SLC38A1: variants seen among roughly 807,000 people sequenced by gnomAD.
The protein encoded by SLC38A1 is solute carrier family 38 member 1, also known as sodium-coupled neutral amino acid symporter 1.
In SLC38A1, 18 loss-of-function variants were observed where a neutral mutation model predicts 60.3. The ratio of observed to expected loss-of-function variants is 0.30; its 90% CI spans 0.21 to 0.44. The LOEUF is 0.44. Ranked by LOEUF, SLC38A1 falls within the 20% of genes least tolerant of loss-of-function variation. The pLI, the probability that SLC38A1 is intolerant of heterozygous loss-of-function variation, is 1.00. For missense variants in SLC38A1, 448 were observed against 587.2 expected (o/e 0.76, Z 2.45); for synonymous variants, 196 against 212.1 (o/e 0.92, Z 0.66).
intron 16 of SLC38A1, among the ~76,000 whole-genome samples, chr12:46,194,180 C>T (rs914162764): frequency 3.9e-5 from 6 of 152,134 alleles, no homozygotes; most frequent in Non-Finnish European, 7.3e-5. Context: ...TTTTATTTCT[C>T]CTTCACTTAT....
Position 46,243,524 on chromosome 12 carries a change from G to T in SLC38A1, c.-208-210C>A, listed in dbSNP as rs990570798. ...AATTGACATCTAACTGGTTATTGCT[G>T]GACATTCAGACTGCTTGGTGGAGAG... On this transcript the variant is annotated intron_variant, in intron 1 of 16. Coordinates refer to ENST00000398637, the MANE Select transcript of SLC38A1 (RefSeq NM_030674.4). Among the ~76,000 whole-genome samples, 58 of 152,280 alleles carry T rather than the reference G, an allele frequency of 3.8e-4. 1 individual carries two copies. Among genetic ancestry groups the T allele is most frequent in the African/African-American group, 1.4e-3 (57 of 41,548 alleles).
At chr12:46,244,742 C>T (rs941923442) in intron 1 of SLC38A1, among the ~76,000 whole-genome samples, 2 of 152,174 alleles carry the variant, frequency 1.3e-5, no homozygotes, top group Admixed American at 6.5e-5. Flanking sequence ...TCCTAGAGGC[C>T]CAGCCTAGGG....
At chr12:46,252,976 T>C (rs1941903928) in intron 1 of SLC38A1, among the ~76,000 whole-genome samples, 1 of 146,352 alleles carries the variant, frequency 6.8e-6, no homozygotes, top group Non-Finnish European at 1.5e-5. Context: ...TGATCTCATG[T>C]ATACATGGTA....
Position 46,183,859 on chromosome 12 carries a change from G to T in SLC38A1, c.*5111C>A, listed in dbSNP as rs1938849669. ...TACATTGAGAGAACTATGTTACCTG[G>T]GAGAGAATGTAAATTTTTCTAATTC... On this transcript the variant is annotated 3_prime_UTR_variant, in exon 17 of 17. Coordinates refer to ENST00000398637, the MANE Select transcript of SLC38A1 (RefSeq NM_030674.4). 2 of 152,274 alleles carry T rather than the reference G, an allele frequency of 1.3e-5. No individual in the cohort carries two copies. Among genetic ancestry groups the T allele is most frequent in the South Asian group, 4.1e-4 (2 of 4,832 alleles). The allele number at this position is 152,274 out of a possible 1,614,324, so 9.4% of individuals were successfully genotyped here. A position where few individuals can be genotyped will look rare whatever the true frequency, so the allele number is the denominator to read the frequency against.
At chr12:46,257,237 C>T (rs974310157) in intron 1 of SLC38A1, among the ~76,000 whole-genome samples, 1 of 152,172 alleles carries the variant, frequency 6.6e-6, no homozygotes, top group East Asian at 1.9e-4. Flanking sequence ...GACTGCCAGG[C>T]AGATTAATCC....
intron 16 of SLC38A1, chr12:46,196,231 C>G: frequency 6.5e-7 from 1 of 1,536,050 alleles, no homozygotes; most frequent in Non-Finnish European, 8.7e-7. Flanking sequence ...ATGATGCATT[C>G]TGAGAGCCAA....
chr12:46,183,587 G>C lies in SLC38A1; in HGVS notation c.*5383C>G, dbSNP rs1938840266. ...TGTGAAAAAAACATTCTTCTCCCCA[G>C]CTTCTGTTTTCATATGTACTGTGTA... On this transcript the variant is annotated 3_prime_UTR_variant, in exon 17 of 17. Transcript: ENST00000398637. 3 of 152,134 alleles carry C rather than the reference G, an allele frequency of 2.0e-5. No individual in the cohort carries two copies. Among genetic ancestry groups the C allele is most frequent in the Non-Finnish European group, 4.4e-5 (3 of 68,006 alleles). The allele number at this position is 152,134 out of a possible 1,614,324, so 9.4% of individuals were successfully genotyped here.
chr12:46,228,268 C>A (rs2137888029), intron 5 of SLC38A1, among the ~76,000 whole-genome samples: 1 of 152,292 alleles, frequency 6.6e-6, no homozygotes, highest in Middle Eastern at 3.4e-3. Flanking sequence ...CAGTAATATT[C>A]TTTTATCTCA....
Position 46,184,661 on chromosome 12 carries a change from T to C in SLC38A1, c.*4309A>G, listed in dbSNP as rs1938875141. 1 of 152,186 alleles carries C rather than the reference T, an allele frequency of 6.6e-6. No homozygotes were observed. The highest frequency in any genetic ancestry group is 1.5e-5 in the Non-Finnish European group (1 of 68,046). The allele number at this position is 152,186 out of a possible 1,614,324, so 9.4% of individuals were successfully genotyped here. A position where few individuals can be genotyped will look rare whatever the true frequency, so the allele number is the denominator to read the frequency against. ...TCCTTAAGCAGAGCAGACCTTTCAG[T>C]AGAGAATTCGCTTTAAAAGGAGGAC... On this transcript the variant is annotated 3_prime_UTR_variant, in exon 17 of 17. Coordinates refer to ENST00000398637, the MANE Select transcript of SLC38A1 (RefSeq NM_030674.4).
chr12:46,188,832 CAA>C lies in SLC38A1; in HGVS notation c.*136_*137del. 1.5e-6 allele frequency: 1 copy of C among 664,444 alleles called. No individual in the cohort carries two copies. The highest frequency in any genetic ancestry group is 2.6e-5 in the East Asian group (1 of 38,224). 41.2% of individuals were successfully genotyped at this position (664,444 alleles called of 1,614,324 possible). On this transcript the variant is annotated 3_prime_UTR_variant, in exon 17 of 17. Transcript: ENST00000398637. ...TAGAACCATGTCTCTGTTTTGCAAC[CAA>C]AAAGTTATTCCATTTTAAGTATCCT...
chr12:46,200,283 TA>T (rs746514173), intron 13 of SLC38A1, among the ~76,000 whole-genome samples: 11 of 152,260 alleles, frequency 7.2e-5, no homozygotes, highest in Admixed American at 1.3e-4. Flanking sequence ...TAATACTTTT[TA>T]AATGTGTTTA....
At chr12:46,228,414 C>A (rs911707886) in intron 5 of SLC38A1, among the ~76,000 whole-genome samples, 2 of 152,110 alleles carry the variant, frequency 1.3e-5, no homozygotes, top group African/African-American at 4.8e-5. Context: ...CAATGAAAAG[C>A]GTGAGTTTCA....
chr12:46,227,469 T>C (rs956948165), intron 5 of SLC38A1, among the ~76,000 whole-genome samples: 1 of 152,192 alleles, frequency 6.6e-6, no homozygotes, highest in Admixed American at 6.5e-5. Context: ...AAATTAATGA[T>C]AGCAGCTACT....
intron 5 of SLC38A1, among the ~76,000 whole-genome samples, chr12:46,209,460 G>A (rs1477844793): frequency 6.6e-6 from 1 of 152,262 alleles, no homozygotes; most frequent in African/African-American, 2.4e-5. Flanking sequence ...TGTTACATCC[G>A]GGTGAGAAAG....
chr12:46,219,525 T>A (rs1230289001), intron 5 of SLC38A1, among the ~76,000 whole-genome samples: 2 of 152,172 alleles, frequency 1.3e-5, no homozygotes, highest in Non-Finnish European at 2.9e-5. Context: ...TAGATGCAGA[T>A]CTTTGAAATC....
intron 9 of SLC38A1, among the ~76,000 whole-genome samples, chr12:46,205,278 A>T (rs1224303144): frequency 6.6e-6 from 1 of 152,150 alleles, no homozygotes. Flanking sequence ...AGAGGCAGAA[A>T]CCAGAAAATT....
At chr12:46,215,452 C>CT (rs1308807046) in intron 5 of SLC38A1, among the ~76,000 whole-genome samples, 2 of 152,100 alleles carry the variant, frequency 1.3e-5, no homozygotes, top group Admixed American at 6.6e-5. Flanking sequence ...TGCTCTGTCA[C>CT]CCAGGCTGGA....
In SLC38A1 at chr12:46,207,599, C is replaced by G. The variant is rs760433358; in HGVS notation, c.411G>C (p.Leu137=). The G allele has an allele frequency of 6.2e-7, 1 of 1,613,948 alleles. No homozygotes were observed. Among genetic ancestry groups the G allele is most frequent in the South Asian group, 1.1e-5 (1 of 91,084 alleles). ...KETGCMVYEK[L]GEQVFGTTGK... is the part of the protein sequence containing the mutation. ...CTGTGGTGCCAAAGACTTGTTCCCCCAGCTTTTCATACACCATGCAGCCTA... is the reference window on the plus strand; with the variant it reads ...CTGTGGTGCCAAAGACTTGTTCCCCGAGCTTTTCATACACCATGCAGCCTA... Residue 137 remains leucine (L), a synonymous_variant, in exon 7 of 17, where the codon CTG becomes CTC. Transcript: ENST00000398637.
At chr12:46,233,945 C>T (rs1941165711) in intron 3 of SLC38A1, among the ~76,000 whole-genome samples, 1 of 152,220 alleles carries the variant, frequency 6.6e-6, no homozygotes, top group South Asian at 2.1e-4. Context: ...CCCCCTGCTC[C>T]TCCTGAGGTG....
Sources: gnomAD v4.1 joint callset for allele counts (sites outside exome capture counted in the v4.1 genomes callset) on GRCh38, gnomAD v4.1.1 for gene constraint, MANE v1.5 for transcripts, NCBI Gene and HGNC (gene_info 2026-07-23, HGNC 2026-07-21) for gene names.